HADHA: variants seen among roughly 807,000 people sequenced by gnomAD.
HADHA encodes the protein trifunctional enzyme subunit alpha, mitochondrial.
Under a neutral mutation model 91.3 loss-of-function variants are expected in HADHA, and 59 were observed. That is an observed-to-expected ratio of 0.65 (90% confidence interval 0.52 to 0.80). The LOEUF (loss-of-function observed/expected upper bound fraction) is 0.80. HADHA is among the 30% of genes least tolerant of loss of function. HADHA has a pLI of 0.00. For synonymous variants in HADHA, 320 were observed against 338.9 expected (o/e 0.94, Z 0.61); for missense variants, 800 against 927.6 (o/e 0.86, Z 1.79).
At chr2:26,225,305 G>T (rs1403625360) in intron 7 of HADHA, among the ~76,000 whole-genome samples, 3 of 151,156 alleles carry the variant, frequency 2.0e-5, no homozygotes, top group Non-Finnish European at 4.4e-5. Flanking sequence ...TGGCCAACAT[G>T]ATGAAACACT....
At position 26,230,258 on chromosome 2, in the gene HADHA, C is replaced by T; in HGVS notation, c.610G>A (p.Gly204Ser). The part of the protein sequence containing the change: ...VPAALDMMLT[G>S]RSIRADRAKK... ...GCCCTGTCTGCACGAATGCTTCTAC[C>T]AGTCAGCATCATGTCCAAAGCAGCA... Residue 204 changes from glycine (G) to serine (S), a missense_variant, in exon 7 of 20, where the codon GGT (glycine) becomes AGT (serine). Coordinates refer to ENST00000380649, the MANE Select transcript of HADHA (RefSeq NM_000182.5). 1 of 1,613,652 alleles carries T rather than the reference C, an allele frequency of 6.2e-7. No homozygotes were observed.
In HADHA at chr2:26,221,618, C is replaced by T. The variant is rs1002879676; in HGVS notation, c.677-6443G>A. On this transcript the variant is annotated intron_variant, in intron 7 of 19. Transcript: ENST00000380649. The surrounding 1 kb of genome is among the most constrained non-coding windows in gnomAD (Gnocchi z 4.8). ...GCTGCATGAGGAAGTAGCCAAAATACCCCACGGCCCTGTTCTTCTTTGTCT... is the reference window on the plus strand; with the variant it reads ...GCTGCATGAGGAAGTAGCCAAAATATCCCACGGCCCTGTTCTTCTTTGTCT... 1.8e-4 allele frequency among the ~76,000 whole-genome samples: 28 copies of T among 152,176 alleles called. No homozygotes were observed. Among genetic ancestry groups the T allele is most frequent in the African/African-American group, 6.5e-4 (27 of 41,442 alleles).
chr2:26,195,849 A>G (rs1669655238), intron 14 of HADHA, among the ~76,000 whole-genome samples: 1 of 152,136 alleles, frequency 6.6e-6, no homozygotes, highest in African/African-American at 2.4e-5. Flanking sequence ...CAGAAACTCC[A>G]TGGGTGGGGC....
rs1420018456 is a variant in HADHA at position 26,191,623 on chromosome 2, G to A, written c.2006C>T (p.Ser669Leu). 1 of 1,614,052 alleles carries A rather than the reference G, an allele frequency of 6.2e-7. No individual in the cohort carries two copies. Among genetic ancestry groups the A allele is most frequent in the Non-Finnish European group, 8.5e-7 (1 of 1,179,940 alleles). Residue 669 changes from serine to leucine, a missense_variant, in exon 19 of 20, where the codon TCA becomes TTA. Physicochemically the swap from Ser to Leu is moderately radical, Grantham distance 145. Coordinates refer to ENST00000380649, the MANE Select transcript of HADHA (RefSeq NM_000182.5). The part of the protein sequence containing the change: ...LKLPPKSEVS[S>L]DEDIQFRLVT... ...CAGGCGGAACTGGATGTCTTCGTCT[G>A]ATGAGCTGCCAACAGAAAGAGATGT...
In HADHA at chr2:26,191,255, G is replaced by T. The variant is rs895816831; in HGVS notation, c.2287C>A (p.Gln763Lys). ...HANSPNKKFYQ is the reference protein window; with the variant it reads ...HANSPNKKFYK The stretch of plus-strand genomic sequence containing the variant: ...GAGCGAGGCATGAGGCCTGCTCACT[G>T]GTAGAACTTCTTGTTAGGGCTGTTA... Residue 763 changes from glutamine to lysine, a missense_variant, in exon 20 of 20, where the codon CAG (glutamine) becomes AAG (lysine). Transcript: ENST00000380649. 6.2e-7 allele frequency: 1 copy of T among 1,612,310 alleles called. No individual in the cohort carries two copies. Among genetic ancestry groups the T allele is most frequent in the African/African-American group, 1.3e-5 (1 of 74,864 alleles).
intron 7 of HADHA, among the ~76,000 whole-genome samples, chr2:26,216,317 A>ATTTTTTT (rs11406704): frequency 1.0e-4 from 11 of 110,184 alleles, no homozygotes; most frequent in Admixed American, 1.1e-4. Context: ...CATTTGACCT[A>ATTTTTTT]TTTTTTTTTT....
chr2:26,199,544 C>T (rs1341754509), intron 13 of HADHA, among the ~76,000 whole-genome samples: 2 of 152,088 alleles, frequency 1.3e-5, no homozygotes, highest in Non-Finnish European at 2.9e-5. Context: ...TTCTTCCCTT[C>T]CTTGGACATG....
chr2:26,199,381 AC>A (rs1297714376), intron 13 of HADHA: 1 of 152,260 alleles, frequency 6.6e-6, no homozygotes, highest in African/African-American at 2.4e-5. Flanking sequence ...CAACAAAAAA[AC>A]AAAACAAAAG....
At chr2:26,224,161 A>T (rs1354811369) in intron 7 of HADHA, among the ~76,000 whole-genome samples, 1 of 152,186 alleles carries the variant, frequency 6.6e-6, no homozygotes, top group Non-Finnish European at 1.5e-5. Context: ...GATGTCCCCC[A>T]CTTGTATGCT....
intron 1 of HADHA, among the ~76,000 whole-genome samples, chr2:26,243,589 T>TA (rs1670977096): frequency 6.6e-6 from 1 of 152,198 alleles, no homozygotes; most frequent in African/African-American, 2.4e-5. Context: ...GCTACTTGTC[T>TA]AAAAAAAGCA....
rs748687007 is a variant in HADHA at position 26,192,475 on chromosome 2, T to C, written c.1886-51A>G. 4.0e-6 allele frequency: 4 copies of C among 1,000,728 alleles called. No homozygotes were observed. In the African/African-American group the frequency reaches 6.4e-5, roughly 16 times the overall value. The allele number at this position is 1,000,728 out of a possible 1,614,324, so 62.0% of individuals were successfully genotyped here. On this transcript the variant is annotated intron_variant, in intron 17 of 19. Transcript: ENST00000380649. ...TTACTATTTGTTCTCAGGGAGGGAG[T>C]GTTACTATTTGTTCTCAGAACCCTG...
At chr2:26,236,601 G>T (rs553297374) in intron 4 of HADHA, among the ~76,000 whole-genome samples, 65 of 151,900 alleles carry the variant, frequency 4.3e-4, no homozygotes, top group African/African-American at 1.6e-3. Context: ...TTTTAGTGGA[G>T]ACAGGGTTTC....
At chr2:26,226,920 C>A (rs1392427314) in intron 7 of HADHA, among the ~76,000 whole-genome samples, 1 of 152,104 alleles carries the variant, frequency 6.6e-6, no homozygotes, top group Admixed American at 6.6e-5. Context: ...AGATACCACA[C>A]TAATAGCATG....
intron 7 of HADHA, among the ~76,000 whole-genome samples, chr2:26,217,901 T>G (rs1386504372): frequency 1.3e-5 from 2 of 152,154 alleles, no homozygotes; most frequent in African/African-American, 2.4e-5. Flanking sequence ...AGCAAGACCC[T>G]GTCTCAAAAA....
At position 26,210,895 on chromosome 2, in the gene HADHA, T is replaced by C. The variant is rs1467047367; in HGVS notation, c.976-1006A>G. The C allele has an allele frequency of 6.6e-6, 1 of 152,204 alleles. No individual in the cohort carries two copies. The highest frequency in any genetic ancestry group is 1.5e-5 in the Non-Finnish European group (1 of 68,044). The allele number at this position is 152,204 out of a possible 1,614,324, so 9.4% of individuals were successfully genotyped here. ...GAGAACACTAGTAAAATGACCAGGG[T>C]CTCAAGGTTAGCTATTATTAATATC... On this transcript the variant is annotated intron_variant, in intron 10 of 19. Coordinates refer to ENST00000380649, the MANE Select transcript of HADHA (RefSeq NM_000182.5). The surrounding 1 kb of genome is among the most constrained non-coding windows in gnomAD (Gnocchi z 4.0).
chr2:26,241,358 G>A (rs999710161), intron 1 of HADHA, among the ~76,000 whole-genome samples: 3 of 151,964 alleles, frequency 2.0e-5, no homozygotes, highest in African/African-American at 7.2e-5. Context: ...GGTGGCTCAC[G>A]CCTGTAATCC....
intron 7 of HADHA, among the ~76,000 whole-genome samples, chr2:26,216,935 T>C (rs1670236628): frequency 6.6e-6 from 1 of 152,044 alleles, no homozygotes; most frequent in Admixed American, 6.5e-5. Flanking sequence ...GAATGACCCA[T>C]AGCCAGGAGA....
intron 6 of HADHA, 99 bp downstream of exon 6, chr2:26,232,061 G>A (rs539370750): frequency 1.1e-6 from 1 of 876,846 alleles, no homozygotes; most frequent in Non-Finnish European, 2.0e-6. Flanking sequence ...ATTTTATTTG[G>A]TTTTTTAATT....
At chr2:26,235,572 T>C (rs1670728378) in intron 4 of HADHA, among the ~76,000 whole-genome samples, 3 of 152,256 alleles carry the variant, frequency 2.0e-5, no homozygotes. Context: ...ATAAATGTTC[T>C]GTTTAATGTT....
Sources: allele counts gnomAD v4.1 joint callset (sites outside exome capture counted in the v4.1 genomes callset), GRCh38; gene constraint gnomAD v4.1.1; non-coding constraint Gnocchi (gnomAD v3.1); transcripts MANE v1.5; gene names NCBI Gene and HGNC (gene_info 2026-07-23, HGNC 2026-07-21).